The following FBXO25 variants were observed in gnomAD, a reference collection of about 807,000 sequenced individuals.
The protein encoded by FBXO25 is F-box only protein 25.
A neutral mutation model predicts 51.9 loss-of-function variants in FBXO25; 45 were observed. That is an observed-to-expected ratio of 0.87 (90% CI 0.68 to 1.11). The LOEUF (loss-of-function observed/expected upper bound fraction) is 1.11, where lower values mean the gene tolerates loss of function less well. Ranked by LOEUF, FBXO25 falls within the 50% of genes most tolerant of loss-of-function variation. The pLI is 0.00. For synonymous variants in FBXO25, 199 were observed against 151.0 expected (o/e 1.32, Z -2.33); for missense variants, 507 against 428.5 (o/e 1.18, Z -1.62).
Position 459,954 on chromosome 8 carries a change from T to G in FBXO25, c.843+1403T>G, listed in dbSNP as rs142072018. 2.5e-3 allele frequency among the ~76,000 whole-genome samples: 374 copies of G among 152,218 alleles called. 4 individuals are homozygous for G. The highest frequency in any genetic ancestry group is 1.3e-3 in the Non-Finnish European group (91 of 68,008). On this transcript the variant is annotated intron_variant, in intron 8 of 9. Coordinates refer to ENST00000350302, the MANE Select transcript of FBXO25 (RefSeq NM_183420.2). ...GGGAAAACTCTCTCAAGTGGACTTGTTCGGGAGAAGCAAAAGAATTCCAGT... is the reference window on the plus strand; with the variant it reads ...GGGAAAACTCTCTCAAGTGGACTTGGTCGGGAGAAGCAAAAGAATTCCAGT...
chr8:424,586 G>A (rs1050167040), intron 2 of FBXO25, among the ~76,000 whole-genome samples: 6 of 152,180 alleles, frequency 3.9e-5, no homozygotes, highest in Non-Finnish European at 8.8e-5. Flanking sequence ...TATGTGGCTA[G>A]CCAGTTATTC....
intron 5 of FBXO25, among the ~76,000 whole-genome samples, chr8:444,045 C>A (rs1798591599): frequency 1.3e-5 from 2 of 152,268 alleles, no homozygotes; most frequent in Admixed American, 1.3e-4. Flanking sequence ...TCAGTTTTCT[C>A]ATCTCTAGAG....
intron 1 of FBXO25, among the ~76,000 whole-genome samples, chr8:412,719 G>A (rs996397002): frequency 5.9e-5 from 9 of 152,042 alleles, no homozygotes; most frequent in African/African-American, 2.2e-4. Flanking sequence ...TTTCATTTTC[G>A]GTTGCTTCTA....
At chr8:449,251 A>G (rs1364584636) in intron 5 of FBXO25, among the ~76,000 whole-genome samples, 7 of 152,242 alleles carry the variant, frequency 4.6e-5, no homozygotes, top group Non-Finnish European at 1.0e-4. Context: ...GGAAAGCAGC[A>G]GCCCACTTTT....
chr8:457,496 A>C (rs1799524300), intron 7 of FBXO25, among the ~76,000 whole-genome samples: 1 of 152,098 alleles, frequency 6.6e-6, no homozygotes, highest in South Asian at 2.1e-4. Flanking sequence ...TGTGAGGGAG[A>C]AATGGTTTGT....
chr8:421,489 A>G (rs537533528), intron 2 of FBXO25, among the ~76,000 whole-genome samples: 26 of 152,312 alleles, frequency 1.7e-4, no homozygotes, highest in Admixed American at 1.6e-3. Flanking sequence ...TGGGTTAGCA[A>G]TCTCAAAACT....
At chr8:468,271 A>C in intron 9 of FBXO25, 1 of 1,013,938 alleles carries the variant, frequency 9.9e-7, no homozygotes, top group Non-Finnish European at 1.2e-6. Flanking sequence ...CAGGGAGCCC[A>C]AGCTGATTCA....
chr8:419,591 A>T (rs1797029130), intron 2 of FBXO25, among the ~76,000 whole-genome samples: 1 of 152,194 alleles, frequency 6.6e-6, no homozygotes, highest in Non-Finnish European at 1.5e-5. Flanking sequence ...CAAATGGGCT[A>T]GAAAACTAGA....
chr8:474,577 A>G lies in FBXO25; in HGVS notation c.*5773A>G. The G allele has an allele frequency of 2.7e-6, 1 of 368,418 alleles. No homozygotes were observed. The highest frequency in any genetic ancestry group is 2.1e-5 in the South Asian group (1 of 47,392). The allele number at this position is 368,418 out of a possible 1,614,324, so 22.8% of individuals were successfully genotyped here. ...GTTTTTAATAATTGCCATCCTAATG[A>G]GTGTGAAGTGGTATCCTGCTGAGAT... On this transcript the variant is annotated 3_prime_UTR_variant, in exon 10 of 10. Coordinates refer to ENST00000350302, the MANE Select transcript of FBXO25 (RefSeq NM_183420.2).
chr8:450,057 A>G lies in FBXO25; in HGVS notation c.449A>G (p.Asn150Ser), dbSNP rs144100418. 1.2e-5 allele frequency: 20 copies of G among 1,613,084 alleles called. No homozygotes were observed. The East Asian group carries it at 2.2e-4, about 18-fold the overall frequency. ...GGCGTGGCACAGAAGAATTACTTCA[A>G]CATTTTGGATAAAATCGTTCAAAAG... ...LSGVAQKNYF[N>S]ILDKIVQKVL... Residue 150 changes from asparagine to serine, a missense_variant, in exon 6 of 10, where the codon AAC becomes AGC. Transcript: ENST00000350302.
chr8:425,768 C>G (rs1020323676), intron 2 of FBXO25, among the ~76,000 whole-genome samples: 3 of 151,966 alleles, frequency 2.0e-5, no homozygotes, highest in Non-Finnish European at 4.4e-5. Context: ...GTGAGCCAAT[C>G]CAAGACTGTT....
chr8:458,856 T>C (rs1443616238), intron 8 of FBXO25, among the ~76,000 whole-genome samples: 2 of 152,208 alleles, frequency 1.3e-5, no homozygotes, highest in Non-Finnish European at 2.9e-5. Context: ...CACTGCCTTT[T>C]CTCCTGATTT....
chr8:412,412 C>T (rs117504595), intron 1 of FBXO25, among the ~76,000 whole-genome samples: 1 of 152,220 alleles, frequency 6.6e-6, no homozygotes, highest in African/African-American at 2.4e-5. Flanking sequence ...TATACTCTCA[C>T]CTTTTAAAGG....
At position 468,950 on chromosome 8, in the gene FBXO25, G is replaced by T. The variant is rs1020083512; in HGVS notation, c.*146G>T. 2 of 650,066 alleles carry T rather than the reference G, an allele frequency of 3.1e-6. No homozygotes were observed. Among genetic ancestry groups the T allele is most frequent in the African/African-American group, 1.9e-5 (1 of 53,868 alleles). 40.3% of individuals were successfully genotyped at this position (650,066 alleles called of 1,614,324 possible). On this transcript the variant is annotated 3_prime_UTR_variant, in exon 10 of 10. Transcript: ENST00000350302. ...GAAGAACTGCCCTTCTGCAAAGGGG[G>T]GACTGCATGGTTGCATTTTCATCAC...
chr8:433,732 A>G (rs371336275), intron 4 of FBXO25, among the ~76,000 whole-genome samples: 1 of 152,164 alleles, frequency 6.6e-6, no homozygotes, highest in Non-Finnish European at 1.5e-5. Context: ...ATTACTGTCT[A>G]TCGTATGTTA....
intron 5 of FBXO25, among the ~76,000 whole-genome samples, chr8:446,199 C>T (rs996208706): frequency 6.6e-6 from 1 of 152,048 alleles, no homozygotes; most frequent in Non-Finnish European, 1.5e-5. Flanking sequence ...GTTTAGACCT[C>T]GGGCTCCCCT....
intron 8 of FBXO25, among the ~76,000 whole-genome samples, chr8:460,122 C>T (rs1467310452): frequency 6.6e-6 from 1 of 152,056 alleles, no homozygotes; most frequent in African/African-American, 2.4e-5. Context: ...CCTCTGCCTC[C>T]CAGTTTGCCC....
chr8:471,354 G>C lies in FBXO25; in HGVS notation c.*2550G>C, dbSNP rs999337932. 9 of 152,166 alleles carry C rather than the reference G, an allele frequency of 5.9e-5. No individual in the cohort carries two copies. Among genetic ancestry groups the C allele is most frequent in the African/African-American group, 2.2e-4 (9 of 41,428 alleles). The allele number at this position is 152,166 out of a possible 1,614,324, so 9.4% of individuals were successfully genotyped here. ...CTGATCAGTTATTTACAGAAGATCG[G>C]ACAACACCAAACAGAGATGAGAAGA... On this transcript the variant is annotated 3_prime_UTR_variant, in exon 10 of 10. Transcript: ENST00000350302.
intron 3 of FBXO25, 151 bp downstream of exon 3, chr8:431,595 CT>C: frequency 3.9e-6 from 2 of 508,118 alleles, no homozygotes; most frequent in South Asian, 6.1e-5. Flanking sequence ...AGTGATCAAA[CT>C]TTTTGCAGCT....
Sources: allele counts gnomAD v4.1 joint callset (sites outside exome capture counted in the v4.1 genomes callset), GRCh38; gene constraint gnomAD v4.1.1; transcripts MANE v1.5; gene names NCBI Gene and HGNC (gene_info 2026-07-23, HGNC 2026-07-21).